The following RBM27 variants were observed in gnomAD, a reference collection of about 807,000 sequenced individuals.
RBM27 encodes RNA binding motif protein 27.
RBM27 carries 22 observed loss-of-function variants against 135.3 expected under a neutral mutation model. The observed-to-expected ratio is 0.16, with a 90% confidence interval of 0.12 to 0.23. The LOEUF (loss-of-function observed/expected upper bound fraction) is 0.23, where lower values mean the gene tolerates loss of function less well. Among genes scored for constraint, RBM27 ranks in the 10% least tolerant of loss-of-function variants. The probability of loss-of-function intolerance (pLI) is 1.00; values close to 1 mark genes in which losing one functional copy is unlikely to be tolerated. For synonymous variants in RBM27, 481 were observed against 442.4 expected (o/e 1.09, Z -1.10); for missense variants, 1,009 against 1,281.0 (o/e 0.79, Z 3.24).
chr5:146,278,064 G>C (rs1267166576), intron 19 of RBM27, among the ~76,000 whole-genome samples: 1 of 152,164 alleles, frequency 6.6e-6, no homozygotes, highest in Admixed American at 6.5e-5. Flanking sequence ...TAACCCTTCA[G>C]AATGTTGTAC....
At chr5:146,229,987 T>TA (rs1756863225) in intron 5 of RBM27, 77 bp downstream of exon 5, 2 of 1,521,964 alleles carry the variant, frequency 1.3e-6, no homozygotes, top group Non-Finnish European at 1.8e-6. Flanking sequence ...GAAATTCTCT[T>TA]AAAGTTGTAC....
At chr5:146,252,108 TCGGTAA>T (rs929040361) in intron 9 of RBM27, among the ~76,000 whole-genome samples, 31 of 152,228 alleles carry the variant, frequency 2.0e-4, no homozygotes, top group African/African-American at 7.5e-4. Flanking sequence ...TTTCAGTGCC[TCGGTAA>T]CAAAGTGATG....
chr5:146,205,845 C>G (rs1054698002), intron 1 of RBM27, among the ~76,000 whole-genome samples: 1 of 151,964 alleles, frequency 6.6e-6, no homozygotes. Context: ...ATGGTGAAAC[C>G]CCGTCTCTAC....
At chr5:146,270,276 T>A (rs1758805743) in intron 17 of RBM27, among the ~76,000 whole-genome samples, 1 of 152,204 alleles carries the variant, frequency 6.6e-6, no homozygotes, top group African/African-American at 2.4e-5. Context: ...ATAATTCTAG[T>A]CCTTTGAGAA....
At chr5:146,207,956 T>TTG (rs1554076642) in intron 1 of RBM27, among the ~76,000 whole-genome samples, 18 of 142,168 alleles carry the variant, frequency 1.3e-4, no homozygotes, top group Admixed American at 3.5e-4. Context: ...AACAGGTTTT[T>TTG]TTTTTTTTTT....
At chr5:146,256,157 A>C (rs906647613) in intron 10 of RBM27, among the ~76,000 whole-genome samples, 2 of 150,608 alleles carry the variant, frequency 1.3e-5, no homozygotes, top group African/African-American at 2.4e-5. Flanking sequence ...TGCCCAGCCT[A>C]GCATTTTCCT....
chr5:146,288,666 A>G lies in RBM27; in HGVS notation c.*2636A>G, dbSNP rs1398581629. The G allele has an allele frequency of 1.3e-5, 2 of 152,106 alleles. No individual in the cohort carries two copies. The highest frequency in any genetic ancestry group is 4.8e-5 in the African/African-American group (2 of 41,446). 9.4% of individuals were successfully genotyped at this position (152,106 alleles called of 1,614,324 possible). A position where few individuals can be genotyped will look rare whatever the true frequency, so the allele number is the denominator to read the frequency against. ...TTCTGTCCCTCTTAATGTGTATGAC[A>G]TCTTTTTAAGTAGCTGATCAGCAAT... On this transcript the variant is annotated 3_prime_UTR_variant, in exon 21 of 21. Transcript: ENST00000265271.
intron 15 of RBM27, 134 bp downstream of exon 15, chr5:146,267,902 T>C: frequency 1.0e-6 from 1 of 962,390 alleles, no homozygotes. Flanking sequence ...TCTTCTCTAA[T>C]GTAAACTTGG....
intron 19 of RBM27, among the ~76,000 whole-genome samples, chr5:146,273,198 A>C (rs1758943760): frequency 6.6e-6 from 1 of 152,286 alleles, no homozygotes; most frequent in Admixed American, 6.5e-5. Flanking sequence ...CAGTTACAAA[A>C]AATAGTTAAT....
At chr5:146,235,153 T>C (rs957203150) in intron 7 of RBM27, among the ~76,000 whole-genome samples, 5 of 152,210 alleles carry the variant, frequency 3.3e-5, no homozygotes, top group African/African-American at 1.2e-4. Flanking sequence ...TTTTAACATT[T>C]TATTTTGAAA....
chr5:146,248,226 T>G (rs569076331), intron 8 of RBM27, among the ~76,000 whole-genome samples: 1 of 146,614 alleles, frequency 6.8e-6, no homozygotes, highest in Non-Finnish European at 1.5e-5. Context: ...TCATGTTGGC[T>G]TCTGCTAGTT....
intron 5 of RBM27, among the ~76,000 whole-genome samples, chr5:146,230,231 C>T (rs1756870891): frequency 6.6e-6 from 1 of 152,054 alleles, no homozygotes; most frequent in African/African-American, 2.4e-5. Flanking sequence ...TGCTTTTCTT[C>T]TTTGTTTGGT....
intron 1 of RBM27, among the ~76,000 whole-genome samples, chr5:146,207,555 G>T (rs1755743156): frequency 6.6e-6 from 1 of 151,280 alleles, no homozygotes; most frequent in Non-Finnish European, 1.5e-5. Context: ...ATTTAGCTTA[G>T]TTTACAGTAA....
chr5:146,259,977 C>A (rs1758312911), intron 11 of RBM27, among the ~76,000 whole-genome samples: 1 of 53,062 alleles, frequency 1.9e-5, no homozygotes, highest in Admixed American at 3.0e-4. Context: ...GAGACTCCGT[C>A]TCAAAAAAAA....
chr5:146,267,823 A>G (rs1758682694), intron 15 of RBM27, 55 bp downstream of exon 15: 3 of 1,556,630 alleles, frequency 1.9e-6, no homozygotes, highest in African/African-American at 1.4e-5. Flanking sequence ...TGAATTTTTA[A>G]GTGGTTACAT....
intron 20 of RBM27, among the ~76,000 whole-genome samples, chr5:146,285,434 CAG>C (rs1759541048): frequency 6.6e-6 from 1 of 151,962 alleles, no homozygotes; most frequent in Non-Finnish European, 1.5e-5. Flanking sequence ...AAAAGAAAAA[CAG>C]AAGTCATGGT....
intron 10 of RBM27, among the ~76,000 whole-genome samples, chr5:146,257,123 C>T (rs764312760): frequency 3.3e-5 from 5 of 152,136 alleles, no homozygotes; most frequent in Non-Finnish European, 5.9e-5. Flanking sequence ...AATAGCTAAA[C>T]GTTAAGTGAA....
chr5:146,258,665 A>G, intron 11 of RBM27, 72 bp downstream of exon 11: 1 of 1,293,238 alleles, frequency 7.7e-7, no homozygotes, highest in Non-Finnish European at 1.0e-6. Context: ...TAAAAATAAG[A>G]TTTGTCATTA....
intron 19 of RBM27, among the ~76,000 whole-genome samples, chr5:146,280,718 ATT>A (rs949659459): frequency 6.6e-6 from 1 of 152,180 alleles, no homozygotes. Context: ...TTTTGTGGTC[ATT>A]CTCAGACATA....
Sources: gnomAD v4.1 joint callset for allele counts (sites outside exome capture counted in the v4.1 genomes callset) on GRCh38, gnomAD v4.1.1 for gene constraint, MANE v1.5 for transcripts, NCBI Gene and HGNC (gene_info 2026-07-23, HGNC 2026-07-21) for gene names.